Variants in SLC9A9 observed in about 807,000 individuals in gnomAD.
SLC9A9 encodes solute carrier family 9 member A9.
A neutral mutation model predicts 77.8 loss-of-function variants in SLC9A9; 62 were observed. The observed-to-expected ratio is 0.80, with a 90% CI of 0.65 to 0.98. The LOEUF is 0.98. Ranked by LOEUF, SLC9A9 falls within the 50% of genes least tolerant of loss-of-function variation. The pLI, the probability that SLC9A9 is intolerant of heterozygous loss-of-function variation, is 0.00. For synonymous variants in SLC9A9, 320 were observed against 283.5 expected, an observed-to-expected ratio of 1.13 and a Z score of -1.29; for missense variants, 775 against 774.9, an observed-to-expected ratio of 1.00 and a Z score of 0.00.
In SLC9A9 at chr3:143,266,168, A is replaced by G. The variant is rs1559844519; in HGVS notation, c.*534T>C. 2.9e-6 allele frequency: 2 copies of G among 700,628 alleles called. No individual in the cohort carries two copies. The highest frequency in any genetic ancestry group is 3.5e-5 in the African/African-American group (2 of 57,240). The allele number at this position is 700,628 out of a possible 1,614,324, so 43.4% of individuals were successfully genotyped here. On this transcript the variant is annotated 3_prime_UTR_variant, in exon 16 of 16. Coordinates refer to ENST00000316549, the MANE Select transcript of SLC9A9 (RefSeq NM_173653.4). ...GGGAAACCATCAGCAGTGGGTACGGAACACTTCTCTGGGCTCTGCCCTGGG... is the reference window on the plus strand; with the variant it reads ...GGGAAACCATCAGCAGTGGGTACGGGACACTTCTCTGGGCTCTGCCCTGGG...
chr3:143,396,186 C>T (rs961478560), intron 12 of SLC9A9, among the ~76,000 whole-genome samples: 14 of 152,176 alleles, frequency 9.2e-5, no homozygotes, highest in Non-Finnish European at 1.9e-4. Flanking sequence ...ATAGGAAAGA[C>T]TTGGAACCAA....
At chr3:143,484,024 C>T (rs1461906367) in intron 11 of SLC9A9, among the ~76,000 whole-genome samples, 4 of 152,248 alleles carry the variant, frequency 2.6e-5, no homozygotes, top group African/African-American at 9.6e-5. Context: ...AATAAATTCA[C>T]ACTCCTTTTT....
At chr3:143,498,282 A>G (rs1316695060) in intron 9 of SLC9A9, among the ~76,000 whole-genome samples, 1 of 152,222 alleles carries the variant, frequency 6.6e-6, no homozygotes, top group Non-Finnish European at 1.5e-5. Flanking sequence ...ATAATATTTC[A>G]TAGTCTAGAC....
At chr3:143,565,121 A>G (rs991294756) in intron 8 of SLC9A9, among the ~76,000 whole-genome samples, 1 of 152,130 alleles carries the variant, frequency 6.6e-6, no homozygotes, top group Admixed American at 6.6e-5. Context: ...TGCCCACTGT[A>G]CTTTTCCATG....
intron 4 of SLC9A9, among the ~76,000 whole-genome samples, chr3:143,741,489 T>G (rs1935071539): frequency 6.6e-6 from 1 of 152,234 alleles, no homozygotes; most frequent in Non-Finnish European, 1.5e-5. Flanking sequence ...AATCTCTTTA[T>G]GCAGAAGATG....
At chr3:143,277,447 TTGAAAGGCTC>T (rs1450285541) in intron 14 of SLC9A9, among the ~76,000 whole-genome samples, 1 of 152,212 alleles carries the variant, frequency 6.6e-6, no homozygotes, top group Non-Finnish European at 1.5e-5. Flanking sequence ...ATCTGGTCTC[TTGAAAGGCTC>T]TGAGTTGGGA....
At position 143,807,676 on chromosome 3, in the gene SLC9A9, C is replaced by T. The variant is rs138706782; in HGVS notation, c.379-10773G>A. On this transcript the variant is annotated intron_variant, in intron 2 of 15. Transcript: ENST00000316549. ...AGGAGAATCGCTTGATCCTGGGAGG[C>T]GGAGGTTGCAGTAAGCCGAGATGGC... is the stretch of plus-strand genomic sequence containing the variant. Among the ~76,000 whole-genome samples the T allele has an allele frequency of 7.2e-3, 1,091 of 152,194 alleles. 8 individuals carry two copies. The highest frequency in any genetic ancestry group is 0.011 in the Admixed American group (166 of 15,288).
intron 12 of SLC9A9, among the ~76,000 whole-genome samples, chr3:143,429,605 C>A (rs1174687579): frequency 6.6e-6 from 1 of 152,206 alleles, no homozygotes; most frequent in Non-Finnish European, 1.5e-5. Flanking sequence ...CTCAGCAAGC[C>A]CACAGTCTAG....
intron 14 of SLC9A9, chr3:143,347,026 A>G (rs763110045): frequency 6.6e-6 from 1 of 152,160 alleles, no homozygotes; most frequent in Non-Finnish European, 1.5e-5. Context: ...AGAATTTTCT[A>G]TTTTCTCCTC....
intron 11 of SLC9A9, among the ~76,000 whole-genome samples, chr3:143,473,896 G>T (rs1321845325): frequency 1.3e-5 from 2 of 152,150 alleles, no homozygotes; most frequent in African/African-American, 4.8e-5. Context: ...AATTCATTCA[G>T]GCTCCAGGTG....
chr3:143,482,301 A>C (rs2035587175), intron 11 of SLC9A9, among the ~76,000 whole-genome samples: 1 of 152,244 alleles, frequency 6.6e-6, no homozygotes, highest in Admixed American at 6.5e-5. Flanking sequence ...AGGAACATTA[A>C]TAGCACAGCT....
intron 4 of SLC9A9, among the ~76,000 whole-genome samples, chr3:143,779,122 T>C (rs147269902): frequency 7.8e-4 from 119 of 152,332 alleles, no homozygotes; most frequent in African/African-American, 2.8e-3. Flanking sequence ...AAATAATCTA[T>C]GTTTAAAAAT....
At chr3:143,547,631 T>G (rs966823751) in intron 9 of SLC9A9, among the ~76,000 whole-genome samples, 1 of 152,224 alleles carries the variant, frequency 6.6e-6, no homozygotes, top group African/African-American at 2.4e-5. Context: ...GCCACATTGG[T>G]TCTCCTGCCC....
At chr3:143,657,252 T>G (rs1291463178) in intron 5 of SLC9A9, among the ~76,000 whole-genome samples, 1 of 152,164 alleles carries the variant, frequency 6.6e-6, no homozygotes, top group African/African-American at 2.4e-5. Flanking sequence ...TTCAATTTGT[T>G]TAGGTCATTC....
chr3:143,271,742 A>G (rs915130818), intron 14 of SLC9A9, among the ~76,000 whole-genome samples: 3 of 151,714 alleles, frequency 2.0e-5, no homozygotes, highest in Non-Finnish European at 2.9e-5. Context: ...TTGATGTAAG[A>G]CTCTCCTGGG....
intron 2 of SLC9A9, 137 bp from the exon 3 acceptor site, chr3:143,797,040 G>T: frequency 4.6e-6 from 3 of 650,382 alleles, no homozygotes; most frequent in Non-Finnish European, 8.0e-6. Context: ...CAGAGATGAA[G>T]GTAGGAAAAA....
intron 4 of SLC9A9, among the ~76,000 whole-genome samples, chr3:143,710,853 C>T (rs1293973513): frequency 6.6e-6 from 1 of 152,140 alleles, no homozygotes; most frequent in East Asian, 1.9e-4. Flanking sequence ...TCAGCCATAG[C>T]ATTTGGAAAC....
At chr3:143,620,798 G>A (rs1416781882) in intron 6 of SLC9A9, among the ~76,000 whole-genome samples, 2 of 152,184 alleles carry the variant, frequency 1.3e-5, no homozygotes, top group East Asian at 3.9e-4. Context: ...GACCAAGTGT[G>A]AGCTGAAGCA....
chr3:143,314,535 A>C (rs906777532), intron 14 of SLC9A9: 9 of 152,256 alleles, frequency 5.9e-5, no homozygotes, highest in African/African-American at 9.6e-5. Flanking sequence ...TATCGCTACA[A>C]ATGAACTCAG....
Sources: gnomAD v4.1 joint callset for allele counts (sites outside exome capture counted in the v4.1 genomes callset) on GRCh38, gnomAD v4.1.1 for gene constraint, MANE v1.5 for transcripts, NCBI Gene and HGNC (gene_info 2026-07-23, HGNC 2026-07-21) for gene names.